FAM83B: variants seen among roughly 807,000 people sequenced by gnomAD.
FAM83B encodes protein FAM83B.
In FAM83B, 26 loss-of-function variants were observed where a neutral mutation model predicts 38.8. The observed-to-expected ratio is 0.67, with a 90% CI of 0.49 to 0.93. The LOEUF (loss-of-function observed/expected upper bound fraction) is 0.93, where lower values mean the gene tolerates loss of function less well. Ranked by LOEUF, FAM83B falls within the 40% of genes least tolerant of loss-of-function variation. The pLI, the probability that FAM83B is intolerant of heterozygous loss-of-function variation, is 0.00. For missense variants in FAM83B, 1,237 were observed against 1,197.3 expected, an observed-to-expected ratio of 1.03 and a Z score of -0.49; for synonymous variants, 419 against 423.1, an observed-to-expected ratio of 0.99 and a Z score of 0.12.
rs1381876901 is a variant in FAM83B at position 54,924,186 on chromosome 6, T to TACACAC, written c.445-2184_445-2183insCACACA. Among the ~76,000 whole-genome samples the TACACAC allele has an allele frequency of 3.6e-3, 340 of 94,602 alleles. 1 individual carries two copies. The highest frequency in any genetic ancestry group is 0.016 in the African/African-American group (331 of 20,490). The allele number at this position is 94,602 out of a possible 152,430, so 62.1% of individuals were successfully genotyped here. A position where few individuals can be genotyped will look rare whatever the true frequency, so the allele number is the denominator to read the frequency against. On this transcript the variant is annotated intron_variant, in intron 2 of 4. Coordinates refer to ENST00000306858, the MANE Select transcript of FAM83B (RefSeq NM_001010872.3). ...TTTTTATGGTCAAACAGTATTCATT[T>TACACAC]ATACACACACACACACACACACACA...
intron 2 of FAM83B, among the ~76,000 whole-genome samples, chr6:54,913,201 T>C (rs975401095): frequency 6.6e-6 from 1 of 152,086 alleles, no homozygotes; most frequent in Non-Finnish European, 1.5e-5. Flanking sequence ...GTTGGAAGAA[T>C]ATTTGGTTAA....
At chr6:54,877,153 A>G (rs1462412434) in intron 2 of FAM83B, among the ~76,000 whole-genome samples, 1 of 152,184 alleles carries the variant, frequency 6.6e-6, no homozygotes, top group Admixed American at 6.6e-5. Context: ...TGCAAAGGAG[A>G]AAGGGCAGAT....
At chr6:54,866,982 T>G (rs1427640387) in intron 1 of FAM83B, among the ~76,000 whole-genome samples, 1 of 152,030 alleles carries the variant, frequency 6.6e-6, no homozygotes, top group Non-Finnish European at 1.5e-5. Context: ...TTTTTAATTT[T>G]TTTTGAGGCA....
rs555330987 is a variant in FAM83B at position 54,870,420 on chromosome 6, G to A, written c.174G>A (p.Glu58=). The A allele has an allele frequency of 6.2e-7, 1 of 1,614,008 alleles. No individual in the cohort carries two copies. Among genetic ancestry groups the A allele is most frequent in the Admixed American group, 1.7e-5 (1 of 59,992 alleles). ...VQERVSDFLA[E]EEINYILKNV... ...AACGAGTTTCAGACTTTCTTGCTGAGGAAGAAATTAATTATATTTTGAAAA... is the reference window on the plus strand; with the variant it reads ...AACGAGTTTCAGACTTTCTTGCTGAAGAAGAAATTAATTATATTTTGAAAA... The change falls in exon 2 of 5, where the codon GAG becomes GAA. Residue 58 remains glutamate, a synonymous_variant. Transcript: ENST00000306858.
At chr6:54,924,800 C>A (rs1424248192) in intron 2 of FAM83B, among the ~76,000 whole-genome samples, 1 of 152,060 alleles carries the variant, frequency 6.6e-6, no homozygotes, top group Non-Finnish European at 1.5e-5. Flanking sequence ...ACACTACCAT[C>A]TTGGTCCTAC....
At chr6:54,871,224 C>A (rs1771843728) in intron 2 of FAM83B, among the ~76,000 whole-genome samples, 1 of 151,864 alleles carries the variant, frequency 6.6e-6, no homozygotes, top group Non-Finnish European at 1.5e-5. Flanking sequence ...AGATATTTAG[C>A]ATTTTAAGGC....
chr6:54,857,940 T>G (rs1009388402), intron 1 of FAM83B, among the ~76,000 whole-genome samples: 1 of 152,116 alleles, frequency 6.6e-6, no homozygotes, highest in African/African-American at 2.4e-5. Flanking sequence ...GCAAAGATCC[T>G]AAGTTGGAAA....
intron 2 of FAM83B, among the ~76,000 whole-genome samples, chr6:54,878,499 T>G (rs1772050378): frequency 6.6e-6 from 1 of 152,184 alleles, no homozygotes; most frequent in Non-Finnish European, 1.5e-5. Flanking sequence ...AAGTGACATT[T>G]CAGCCAAGAT....
At chr6:54,859,457 A>G (rs1322113679) in intron 1 of FAM83B, among the ~76,000 whole-genome samples, 4 of 152,188 alleles carry the variant, frequency 2.6e-5, no homozygotes, top group Admixed American at 1.3e-4. Flanking sequence ...AAGGCAGTAT[A>G]TCATTAGCTT....
chr6:54,890,843 A>G (rs756269105), intron 2 of FAM83B, among the ~76,000 whole-genome samples: 3 of 151,994 alleles, frequency 2.0e-5, no homozygotes, highest in African/African-American at 7.2e-5. Flanking sequence ...TCCCTCAACA[A>G]ATCCCTGTGT....
chr6:54,863,883 A>T (rs1454397252), intron 1 of FAM83B, among the ~76,000 whole-genome samples: 1 of 152,152 alleles, frequency 6.6e-6, no homozygotes, highest in East Asian at 1.9e-4. Context: ...ATGATTACTG[A>T]TCAGGGCCAG....
chr6:54,913,987 A>G (rs370962286), intron 2 of FAM83B, among the ~76,000 whole-genome samples: 2 of 152,090 alleles, frequency 1.3e-5, no homozygotes, highest in South Asian at 2.1e-4. Context: ...TCACATATCC[A>G]GTCAGTGTTG....
At chr6:54,917,587 C>T (rs1163817242) in intron 2 of FAM83B, among the ~76,000 whole-genome samples, 2 of 152,018 alleles carry the variant, frequency 1.3e-5, no homozygotes, top group Admixed American at 6.5e-5. Context: ...AGAATTTTTA[C>T]CTTCTTGGTC....
intron 1 of FAM83B, among the ~76,000 whole-genome samples, chr6:54,864,457 C>T (rs16886073): frequency 0.098 from 14,968 of 152,118 alleles, 847 homozygotes; most frequent in African/African-American, 0.15. Flanking sequence ...TGACTGAGTG[C>T]GTCATGTATT....
At chr6:54,926,106 T>A (rs958291002) in intron 2 of FAM83B, among the ~76,000 whole-genome samples, 1 of 152,188 alleles carries the variant, frequency 6.6e-6, no homozygotes, top group Admixed American at 6.5e-5. Context: ...GATTTGCCCA[T>A]TTTTCAAAAT....
intron 2 of FAM83B, among the ~76,000 whole-genome samples, chr6:54,879,765 CATA>C (rs1772082390): frequency 6.6e-6 from 1 of 152,004 alleles, no homozygotes; most frequent in Non-Finnish European, 1.5e-5. Flanking sequence ...TGATTTTGGA[CATA>C]ATAATATTGT....
rs1316831228 is a variant in FAM83B at position 54,898,021 on chromosome 6, ATATAACTAATATATT to A, written c.444+27335_444+27349del. 2.0e-5 allele frequency among the ~76,000 whole-genome samples: 3 copies of A among 152,322 alleles called. No homozygotes were observed. In the East Asian group the frequency reaches 5.8e-4, roughly 29 times the overall value. ...GATGTCATGTATACTTTTTGGTTGT[ATATAACTAATATATT>A]TATTTTTTTCTCCCTCTATTCAGTA... is the stretch of plus-strand genomic sequence containing the variant. On this transcript the variant is annotated intron_variant, in intron 2 of 4. Coordinates refer to ENST00000306858, the MANE Select transcript of FAM83B (RefSeq NM_001010872.3).
chr6:54,899,010 C>T (rs756596316), intron 2 of FAM83B, among the ~76,000 whole-genome samples: 1 of 152,188 alleles, frequency 6.6e-6, no homozygotes, highest in Non-Finnish European at 1.5e-5. Context: ...CTTAATCAGG[C>T]AGTGACTCAA....
intron 2 of FAM83B, among the ~76,000 whole-genome samples, chr6:54,911,570 C>T (rs1032439103): frequency 4.6e-5 from 7 of 152,068 alleles, no homozygotes; most frequent in Non-Finnish European, 1.0e-4. Context: ...CTTTGGGCCC[C>T]TTCTTAGCAT....
Sources: gnomAD v4.1 joint callset for allele counts (sites outside exome capture counted in the v4.1 genomes callset) on GRCh38, gnomAD v4.1.1 for gene constraint, MANE v1.5 for transcripts, NCBI Gene and HGNC (gene_info 2026-07-23, HGNC 2026-07-21) for gene names.